FHIT: variants seen among roughly 807,000 people sequenced by gnomAD.
FHIT encodes the protein bis(5'-adenosyl)-triphosphatase.
In FHIT, 19 loss-of-function variants were observed where a neutral mutation model predicts 17.9. The observed-to-expected ratio is 1.06, with a 90% CI of 0.74 to 1.56. The LOEUF (loss-of-function observed/expected upper bound fraction) is 1.56. Ranked by LOEUF, FHIT falls within the 40% of genes most tolerant of loss-of-function variation. FHIT has a pLI of 0.00. For missense variants in FHIT, 248 were observed against 189.2 expected, an observed-to-expected ratio of 1.31 and a Z score of -1.82; for synonymous variants, 81 against 69.7, an observed-to-expected ratio of 1.16 and a Z score of -0.81.
intron 5 of FHIT, among the ~76,000 whole-genome samples, chr3:60,172,477 T>C (rs1701464790): frequency 6.6e-6 from 1 of 151,500 alleles, no homozygotes; most frequent in Non-Finnish European, 1.5e-5. Flanking sequence ...AGTTTCTCCA[T>C]GTTAGTCAGG....
intron 4 of FHIT, among the ~76,000 whole-genome samples, chr3:60,647,149 G>A (rs1301804172): frequency 6.6e-6 from 1 of 151,664 alleles, no homozygotes; most frequent in Non-Finnish European, 1.5e-5. Context: ...AAAACATATC[G>A]TTGTGGAAAG....
rs111258590 is a variant in FHIT, at chr3:60,122,756, G to C, written c.104-108604C>G. 3.5e-3 allele frequency among the ~76,000 whole-genome samples: 526 copies of C among 152,288 alleles called. 3 individuals carry two copies. The highest frequency in any genetic ancestry group is 0.011 in the African/African-American group (474 of 41,554). On this transcript the variant is annotated intron_variant, in intron 5 of 9. Transcript: ENST00000492590. ...GTCTAGAAAAAGATAGAGGCAGCTTGTTACAATTTACACCAACAGGAAACC... is the reference window on the plus strand; with the variant it reads ...GTCTAGAAAAAGATAGAGGCAGCTTCTTACAATTTACACCAACAGGAAACC...
intron 3 of FHIT, among the ~76,000 whole-genome samples, chr3:60,872,532 C>T (rs573678007): frequency 6.6e-6 from 1 of 152,114 alleles, no homozygotes; most frequent in Non-Finnish European, 1.5e-5. Context: ...ATACATTACT[C>T]TCTGCATTTT....
At chr3:60,952,519 T>C (rs929498438) in intron 3 of FHIT, among the ~76,000 whole-genome samples, 2 of 152,146 alleles carry the variant, frequency 1.3e-5, no homozygotes, top group African/African-American at 4.8e-5. Context: ...TGCCTCTGAA[T>C]GGCCAAAACA....
chr3:61,119,982 C>T (rs1392906801), intron 2 of FHIT, among the ~76,000 whole-genome samples: 1 of 152,174 alleles, frequency 6.6e-6, no homozygotes, highest in African/African-American at 2.4e-5. Flanking sequence ...GAGTTAATTC[C>T]TCATAATAAA....
intron 5 of FHIT, among the ~76,000 whole-genome samples, chr3:60,375,628 A>G (rs1279311824): frequency 6.6e-6 from 1 of 152,130 alleles, no homozygotes; most frequent in Non-Finnish European, 1.5e-5. Context: ...TTTAAAGTAC[A>G]CATACATAGA....
At chr3:60,354,968 T>C (rs757824034) in intron 5 of FHIT, among the ~76,000 whole-genome samples, 3 of 152,224 alleles carry the variant, frequency 2.0e-5, no homozygotes, top group Non-Finnish European at 4.4e-5. Flanking sequence ...ATTTATGTTT[T>C]AGTTATCAAT....
At chr3:60,569,740 TATATATATA>T in intron 4 of FHIT, among the ~76,000 whole-genome samples, 2 of 83,474 alleles carry the variant, frequency 2.4e-5, no homozygotes, top group Middle Eastern at 0.01. Context: ...TATATATATA[TATATATATA>T]TATATATTTT....
intron 7 of FHIT, among the ~76,000 whole-genome samples, chr3:59,968,239 G>T (rs929417708): frequency 2.6e-5 from 4 of 152,018 alleles, no homozygotes; most frequent in African/African-American, 4.8e-5. Flanking sequence ...AGGTCAGGGG[G>T]CCAAGACTCT....
intron 3 of FHIT, among the ~76,000 whole-genome samples, chr3:60,932,483 T>C (rs900349084): frequency 2.6e-5 from 4 of 152,174 alleles, no homozygotes; most frequent in African/African-American, 9.7e-5. Context: ...GATCAGAGAA[T>C]TGGAGGAAAG....
chr3:60,893,362 G>C (rs1705613805), intron 3 of FHIT, among the ~76,000 whole-genome samples: 1 of 152,076 alleles, frequency 6.6e-6, no homozygotes, highest in African/African-American at 2.4e-5. Context: ...CATAAAACTT[G>C]TATTAAATAC....
At position 61,199,856 on chromosome 3, in the gene FHIT, G is replaced by A. The variant is rs17064624; in HGVS notation, c.-164+761C>T. ...GCCACCAAAGACTCTTGATGAAACC[G>A]CAGCCCTATAATTGCCCAGAATGAA... On this transcript the variant is annotated intron_variant, in intron 2 of 9. Coordinates refer to ENST00000492590, the MANE Select transcript of FHIT (RefSeq NM_002012.4). Among the ~76,000 whole-genome samples the A allele has an allele frequency of 4.4e-3, 676 of 152,140 alleles. 8 individuals are homozygous for A. The highest frequency in any genetic ancestry group is 0.016 in the African/African-American group (648 of 41,512).
intron 5 of FHIT, among the ~76,000 whole-genome samples, chr3:60,181,399 G>C (rs1170287771): frequency 6.6e-6 from 1 of 152,080 alleles, no homozygotes; most frequent in Non-Finnish European, 1.5e-5. Flanking sequence ...GCCCACCTCG[G>C]CCTCCCAAAG....
intron 2 of FHIT, among the ~76,000 whole-genome samples, chr3:61,072,792 A>G (rs951538917): frequency 6.6e-6 from 1 of 152,170 alleles, no homozygotes; most frequent in Non-Finnish European, 1.5e-5. Context: ...CATGACAGAG[A>G]GCAGAGTTCA....
chr3:61,065,892 A>G (rs943860830), intron 2 of FHIT, among the ~76,000 whole-genome samples: 4 of 152,148 alleles, frequency 2.6e-5, no homozygotes, highest in Admixed American at 6.5e-5. Context: ...AACTTACTGT[A>G]TCTCCATTCC....
In FHIT at chr3:60,013,374, G is replaced by A. The variant is rs112159053; in HGVS notation, c.249+633C>T. On this transcript the variant is annotated intron_variant, in intron 6 of 9. Coordinates refer to ENST00000492590, the MANE Select transcript of FHIT (RefSeq NM_002012.4). ...GATACCCCAGCCCTTTCCATAGAGG[G>A]CCTGAAGGAGCTCATGGTATGTTAC... Among the ~76,000 whole-genome samples the A allele has an allele frequency of 1.0e-3, 159 of 152,258 alleles. 1 individual carries two copies. Among genetic ancestry groups the A allele is most frequent in the African/African-American group, 3.7e-3 (153 of 41,542 alleles).
intron 4 of FHIT, among the ~76,000 whole-genome samples, chr3:60,650,643 A>G (rs2039968696): frequency 6.6e-6 from 1 of 152,238 alleles, no homozygotes; most frequent in Admixed American, 6.5e-5. Flanking sequence ...AATACTTTCA[A>G]TAATGGAAAA....
chr3:60,540,387 T>C (rs897845137), intron 4 of FHIT, among the ~76,000 whole-genome samples: 3 of 152,236 alleles, frequency 2.0e-5, no homozygotes, highest in African/African-American at 7.2e-5. Context: ...CCCTGATTTA[T>C]AGTCAGTTGG....
At chr3:61,168,641 C>T (rs4688135) in intron 2 of FHIT, among the ~76,000 whole-genome samples, 31,194 of 152,176 alleles carry the variant, frequency 0.2, 3,583 homozygotes, top group East Asian at 0.42. Flanking sequence ...CATTCACTGG[C>T]TCAACTTGGT....
Sources: gnomAD v4.1 joint callset for allele counts (sites outside exome capture counted in the v4.1 genomes callset) on GRCh38, gnomAD v4.1.1 for gene constraint, MANE v1.5 for transcripts, NCBI Gene and HGNC (gene_info 2026-07-23, HGNC 2026-07-21) for gene names.